Variants in LPAR6 observed in about 807,000 individuals in gnomAD.
LPAR6 encodes the protein G-protein coupled purinergic receptor P2Y5.
In LPAR6, 17 loss-of-function variants were observed where a neutral mutation model predicts 22.0. The observed-to-expected ratio is 0.77, with a 90% CI of 0.53 to 1.16. The LOEUF is 1.16. LPAR6 is among the 50% of genes most tolerant of loss of function. The probability of loss-of-function intolerance (pLI) is 0.00; values close to 1 mark genes in which losing one functional copy is unlikely to be tolerated. For missense variants in LPAR6, 384 were observed against 406.9 expected, an observed-to-expected ratio of 0.94 and a Z score of 0.48; for synonymous variants, 136 against 139.8, an observed-to-expected ratio of 0.97 and a Z score of 0.19.
chr13:48,417,157 G>C (rs773427566), upstream of LPAR6: 8 of 152,434 alleles, frequency 5.2e-5, no homozygotes, highest in Non-Finnish European at 1.0e-4. Context: ...GGAATCGACA[G>C]ACAACTCACA....
chr13:48,443,966 A>G (rs577930961), intron 1 of LPAR6, among the ~76,000 whole-genome samples: 1 of 152,336 alleles, frequency 6.6e-6, no homozygotes, highest in Non-Finnish European at 1.5e-5. Flanking sequence ...TTGTCAACAC[A>G]AAAGACTTCT....
chr13:48,421,635 G>C (rs1371799905), intron 2 of LPAR6, among the ~76,000 whole-genome samples: 1 of 152,052 alleles, frequency 6.6e-6, no homozygotes, highest in East Asian at 1.9e-4. Flanking sequence ...AAGGGCTAAA[G>C]TCCAGAATCT....
upstream of LPAR6, among the ~76,000 whole-genome samples, chr13:48,417,908 C>G (rs1948940229): frequency 6.6e-6 from 1 of 152,110 alleles, no homozygotes; most frequent in African/African-American, 2.4e-5. Context: ...TTGATTGTCC[C>G]TGTACCTGAA....
intron 1 of LPAR6, among the ~76,000 whole-genome samples, chr13:48,426,285 G>A (rs905315587): frequency 1.3e-5 from 2 of 152,230 alleles, no homozygotes; most frequent in Non-Finnish European, 2.9e-5. Flanking sequence ...TAAAGGTTAT[G>A]TTGTGGGAAA....
At chr13:48,417,458 A>G (rs1205912602), upstream of LPAR6, 1 of 152,214 alleles carries the variant, frequency 6.6e-6, no homozygotes. Context: ...AGATAAATCC[A>G]TGAAGATGAG....
At chr13:48,427,136 C>T (rs1230657277), upstream of LPAR6, among the ~76,000 whole-genome samples, 1 of 152,160 alleles carries the variant, frequency 6.6e-6, no homozygotes, top group Non-Finnish European at 1.5e-5. Flanking sequence ...CCAAACCTCA[C>T]CTCCAGCATT....
At chr13:48,421,845 G>A (rs746567284) in intron 2 of LPAR6, among the ~76,000 whole-genome samples, 8 of 152,102 alleles carry the variant, frequency 5.3e-5, no homozygotes, top group Non-Finnish European at 1.2e-4. Flanking sequence ...TTAGAATGGC[G>A]ATTATTAAAA....
intron 1 of LPAR6, among the ~76,000 whole-genome samples, chr13:48,390,169 CA>C (rs1369519415): frequency 6.6e-6 from 1 of 152,056 alleles, no homozygotes; most frequent in Admixed American, 6.6e-5. Flanking sequence ...AACAAGCAAA[CA>C]ACCCCAAAAC....
intron 2 of LPAR6, among the ~76,000 whole-genome samples, chr13:48,419,361 C>G (rs992599726): frequency 1.1e-4 from 16 of 152,006 alleles, no homozygotes; most frequent in Non-Finnish European, 1.9e-4. Flanking sequence ...ACAACATACC[C>G]AAATCTCTGG....
chr13:48,399,743 A>G (rs927225201), intron 1 of LPAR6, among the ~76,000 whole-genome samples: 1 of 151,968 alleles, frequency 6.6e-6, no homozygotes, highest in African/African-American at 2.4e-5. Flanking sequence ...TCTGTTTATG[A>G]TTTTAAACAT....
At chr13:48,430,927 TA>T (rs1949123676), upstream of LPAR6, among the ~76,000 whole-genome samples, 1 of 152,004 alleles carries the variant, frequency 6.6e-6, no homozygotes, top group African/African-American at 2.4e-5. Flanking sequence ...ACAATTAAAA[TA>T]AAATAATATA....
chr13:48,398,566 A>T (rs764912776), intron 1 of LPAR6, among the ~76,000 whole-genome samples: 73 of 151,952 alleles, frequency 4.8e-4, no homozygotes, highest in Non-Finnish European at 6.5e-4. Flanking sequence ...ATTTTAATAT[A>T]CTTCATTACA....
chr13:48,439,899 T>C (rs1437378029), intron 1 of LPAR6: 1 of 152,070 alleles, frequency 6.6e-6, no homozygotes, highest in Non-Finnish European at 1.5e-5. Context: ...TATATCAGAA[T>C]TAGAAAAATG....
At chr13:48,403,285 G>A (rs1948709923) in intron 1 of LPAR6, among the ~76,000 whole-genome samples, 3 of 152,234 alleles carry the variant, frequency 2.0e-5, no homozygotes, top group African/African-American at 2.4e-5. Context: ...TATCGGAAGA[G>A]CAGACTGAAC....
chr13:48,436,190 G>A (rs1457126016), intron 1 of LPAR6, among the ~76,000 whole-genome samples: 1 of 152,204 alleles, frequency 6.6e-6, no homozygotes, highest in African/African-American at 2.4e-5. Flanking sequence ...GGTTGGTGAT[G>A]AAGGAAATGA....
intron 1 of LPAR6, among the ~76,000 whole-genome samples, chr13:48,436,849 A>C (rs1315860506): frequency 1.3e-5 from 2 of 152,180 alleles, no homozygotes; most frequent in African/African-American, 4.8e-5. Flanking sequence ...GCACAAAAAC[A>C]TTTCCTGTAA....
chr13:48,394,832 A>C (rs566818485), intron 1 of LPAR6, among the ~76,000 whole-genome samples: 1 of 152,220 alleles, frequency 6.6e-6, no homozygotes, highest in South Asian at 2.1e-4. Flanking sequence ...CAGCAGACTT[A>C]AACATTCCTG....
intron 1 of LPAR6, among the ~76,000 whole-genome samples, chr13:48,405,991 CTGTATTT>C (rs367687716): frequency 3.9e-5 from 6 of 151,976 alleles, no homozygotes; most frequent in African/African-American, 1.4e-4. Context: ...CTGCATAGTA[CTGTATTT>C]TGTATATATA....
chr13:48,420,398 G>A (rs1948987390), intron 2 of LPAR6, among the ~76,000 whole-genome samples: 1 of 152,082 alleles, frequency 6.6e-6, no homozygotes, highest in Non-Finnish European at 1.5e-5. Flanking sequence ...AAAATAATAA[G>A]AGCTATTTAT....
Sources: gnomAD v4.1 joint callset for allele counts (sites outside exome capture counted in the v4.1 genomes callset) on GRCh38, gnomAD v4.1.1 for gene constraint, MANE v1.5 for transcripts, NCBI Gene and HGNC (gene_info 2026-07-23, HGNC 2026-07-21) for gene names.